The following ABCC9 variants were observed in gnomAD, a reference collection of about 807,000 sequenced individuals.
ABCC9 encodes the protein ATP binding cassette subfamily C member 9.
A neutral mutation model predicts 188.3 loss-of-function variants in ABCC9; 95 were observed. The ratio of observed to expected loss-of-function variants is 0.50; its 90% CI spans 0.43 to 0.60. The LOEUF (loss-of-function observed/expected upper bound fraction) is 0.60. Among genes scored for constraint, ABCC9 ranks in the 20% least tolerant of loss-of-function variants. The pLI is 0.00. For missense variants in ABCC9, 1,102 were observed against 1,876.3 expected (o/e 0.59, Z 7.62); for synonymous variants, 659 against 652.7 (o/e 1.01, Z -0.15).
At chr12:21,877,681 A>G (rs1013316725) in intron 16 of ABCC9, among the ~76,000 whole-genome samples, 1 of 152,198 alleles carries the variant, frequency 6.6e-6, no homozygotes, top group Non-Finnish European at 1.5e-5. Context: ...TTGGGAGCTA[A>G]GGTGATCTGG....
At chr12:21,845,145 C>T (rs958216743) in intron 26 of ABCC9, among the ~76,000 whole-genome samples, 1 of 145,910 alleles carries the variant, frequency 6.9e-6, no homozygotes, top group Non-Finnish European at 1.5e-5. Context: ...TGCTTAAAAG[C>T]AGATGAAGAG....
chr12:21,807,332 G>A lies in ABCC9; in HGVS notation c.4449+14C>T, dbSNP rs1251893321. ...CCAATTCGTCAATTTTAAAAGCTTA[G>A]ATAATGCACTCACTGTGGCCATGTC... On this transcript the variant is annotated intron_variant, in intron 38 of 39. Coordinates refer to ENST00000261200, the MANE Select transcript of ABCC9 (RefSeq NM_020297.4). 1 of 1,613,750 alleles carries A rather than the reference G, an allele frequency of 6.2e-7. No individual in the cohort carries two copies. The highest frequency in any genetic ancestry group is 8.5e-7 in the Non-Finnish European group (1 of 1,179,704).
At chr12:21,917,205 T>C in intron 5 of ABCC9, 102 bp from the exon 6 acceptor site, 1 of 1,171,654 alleles carries the variant, frequency 8.5e-7, no homozygotes, top group Non-Finnish European at 1.3e-6. Flanking sequence ...GGCAATTTTA[T>C]GTACTATATT....
chr12:21,927,584 G>A (rs1275948429), intron 4 of ABCC9, among the ~76,000 whole-genome samples: 1 of 152,306 alleles, frequency 6.6e-6, no homozygotes, highest in African/African-American at 2.4e-5. Context: ...TTCCTAGGGT[G>A]TCTGTGTGGA....
At chr12:21,829,464 G>A (rs1184739002) in intron 30 of ABCC9, among the ~76,000 whole-genome samples, 2 of 152,098 alleles carry the variant, frequency 1.3e-5, no homozygotes, top group Non-Finnish European at 2.9e-5. Context: ...GCCTCCCAAA[G>A]TGCTGGGATT....
At chr12:21,826,051 A>G (rs553781965) in intron 31 of ABCC9, among the ~76,000 whole-genome samples, 20 of 152,296 alleles carry the variant, frequency 1.3e-4, no homozygotes, top group African/African-American at 4.6e-4. Context: ...ATCTGTGTGA[A>G]GAAATCCTGC....
chr12:21,874,696 C>T (rs891458053), intron 17 of ABCC9, among the ~76,000 whole-genome samples: 43 of 152,072 alleles, frequency 2.8e-4, no homozygotes, highest in African/African-American at 1.0e-3. Flanking sequence ...AGAAGGAAAT[C>T]CTGCCATTCA....
At chr12:21,870,429 A>T (rs989845142) in intron 18 of ABCC9, among the ~76,000 whole-genome samples, 3 of 151,770 alleles carry the variant, frequency 2.0e-5, no homozygotes, top group African/African-American at 7.3e-5. Context: ...GCTTATTTTT[A>T]AATTTTTTTG....
rs371653292 is a variant in ABCC9, at chr12:21,807,403, G to C, written c.4392C>G (p.Val1464=). 3 of 1,613,884 alleles carry C rather than the reference G, an allele frequency of 1.9e-6. No individual in the cohort carries two copies. The African/African-American group carries it at 4.0e-5, about 22-fold the overall frequency. ...CCATAATAAGAATGCTGCTTTTGCG[G>C]ACAAAGGCCCTGGCAAGGCAAAATA... ...RQLFCLARAF[V]RKSSILIMDE... The change falls in exon 38 of 40, where the codon GTC becomes GTG. Residue 1464 remains valine, a synonymous_variant. Transcript: ENST00000261200.
intron 29 of ABCC9, 40 bp downstream of exon 29, chr12:21,842,256 TAGAGAGGGCTGACTGTAG>T (rs1944428244): frequency 6.4e-7 from 1 of 1,573,776 alleles, no homozygotes; most frequent in Non-Finnish European, 8.7e-7. Flanking sequence ...AACCCATGAA[TAGAGAGGGCTGACTGTAG>T]ATAAGCTTTT....
intron 4 of ABCC9, among the ~76,000 whole-genome samples, chr12:21,929,832 T>A (rs1949201598): frequency 6.6e-6 from 1 of 152,172 alleles, no homozygotes; most frequent in African/African-American, 2.4e-5. Flanking sequence ...TAATTTTATA[T>A]ATACATATTT....
chr12:21,838,308 CA>C, intron 29 of ABCC9, 138 bp from the exon 30 acceptor site: 2 of 701,578 alleles, frequency 2.9e-6, no homozygotes, highest in Non-Finnish European at 5.2e-6. Flanking sequence ...ACTCAATTAA[CA>C]AAAACTTCAA....
At chr12:21,841,750 A>C (rs1944407708) in intron 29 of ABCC9, among the ~76,000 whole-genome samples, 1 of 152,170 alleles carries the variant, frequency 6.6e-6, no homozygotes, top group African/African-American at 2.4e-5. Flanking sequence ...AACTCAATAG[A>C]TCAATCCACA....
chr12:21,814,577 G>T, intron 35 of ABCC9, 67 bp downstream of exon 35: 1 of 1,314,750 alleles, frequency 7.6e-7, no homozygotes, highest in East Asian at 2.3e-5. Flanking sequence ...TGCAGGATTA[G>T]GTAAATTGAT....
chr12:21,805,369 C>G, intron 39 of ABCC9: 1 of 1,545,894 alleles, frequency 6.5e-7, no homozygotes, highest in East Asian at 2.2e-5. Context: ...CCAAGTGACT[C>G]ATTAAAAAAT....
At chr12:21,905,234 A>C (rs1947981490) in intron 12 of ABCC9, among the ~76,000 whole-genome samples, 1 of 151,950 alleles carries the variant, frequency 6.6e-6, no homozygotes, top group Non-Finnish European at 1.5e-5. Context: ...AAACACTTGG[A>C]CCCCTCACAT....
chr12:21,924,432 T>G (rs1033323993), intron 5 of ABCC9: 1 of 152,106 alleles, frequency 6.6e-6, no homozygotes, highest in South Asian at 2.1e-4. Flanking sequence ...TTCTGTACAT[T>G]TGGTGATTTT....
chr12:21,886,567 CT>C, intron 15 of ABCC9, among the ~76,000 whole-genome samples: 1 of 152,246 alleles, frequency 6.6e-6, no homozygotes, highest in South Asian at 2.1e-4. Flanking sequence ...TTGTCCTCCA[CT>C]GACTTCCTTC....
At chr12:21,855,126 G>T (rs1945154414) in intron 22 of ABCC9, among the ~76,000 whole-genome samples, 1 of 151,542 alleles carries the variant, frequency 6.6e-6, no homozygotes, top group Non-Finnish European at 1.5e-5. Context: ...ATTCTTCCTG[G>T]GAATTTTTCA....
Sources: gnomAD v4.1 joint callset for allele counts (sites outside exome capture counted in the v4.1 genomes callset) on GRCh38, gnomAD v4.1.1 for gene constraint, MANE v1.5 for transcripts, NCBI Gene and HGNC (gene_info 2026-07-23, HGNC 2026-07-21) for gene names.